TOPAZ1: variants seen among roughly 807,000 people sequenced by gnomAD.
TOPAZ1 encodes protein TOPAZ1.
Under a neutral mutation model 172.2 loss-of-function variants are expected in TOPAZ1, and 66 were observed. The ratio of observed to expected loss-of-function variants is 0.38; its 90% CI spans 0.31 to 0.47. The LOEUF (loss-of-function observed/expected upper bound fraction) is 0.47. Ranked by LOEUF, TOPAZ1 falls within the 20% of genes least tolerant of loss-of-function variation. TOPAZ1 has a pLI of 0.99. For missense variants in TOPAZ1, 1,822 were observed against 1,972.4 expected, an observed-to-expected ratio of 0.92 and a Z score of 1.44; for synonymous variants, 681 against 683.9, an observed-to-expected ratio of 1.00 and a Z score of 0.07.
chr3:44,291,190 A>T (rs1700133398), intron 12 of TOPAZ1, among the ~76,000 whole-genome samples: 1 of 152,142 alleles, frequency 6.6e-6, no homozygotes, highest in African/African-American at 2.4e-5. Flanking sequence ...ATATGTGTAC[A>T]AATTACCTTA....
intron 14 of TOPAZ1, 106 bp from the exon 15 acceptor site, chr3:44,306,220 C>A: frequency 1.5e-6 from 1 of 667,448 alleles, no homozygotes; most frequent in South Asian, 2.2e-5. Flanking sequence ...CACAGTTTGC[C>A]AACACCTGGT....
chr3:44,246,323 T>C (rs2125676558), intron 2 of TOPAZ1, among the ~76,000 whole-genome samples: 1 of 152,306 alleles, frequency 6.6e-6, no homozygotes, highest in Non-Finnish European at 1.5e-5. Flanking sequence ...GAAGCCGTTA[T>C]TTATATAATA....
rs138777352 is a variant in TOPAZ1, at chr3:44,275,532, A to C, written c.3372+4722A>C. 1.6e-3 allele frequency among the ~76,000 whole-genome samples: 245 copies of C among 152,178 alleles called. 1 individual carries two copies. Among genetic ancestry groups the C allele is most frequent in the Non-Finnish European group, 1.2e-3 (79 of 68,010 alleles). On this transcript the variant is annotated intron_variant, in intron 8 of 19. Coordinates refer to ENST00000309765, the MANE Select transcript of TOPAZ1 (RefSeq NM_001145030.2). Reference sequence around the variant, plus strand: ...ATATTGCTGCAGACTACATGATTTCATTCTTTTTTATGACCAAATAATATT... The same window carrying C: ...ATATTGCTGCAGACTACATGATTTCCTTCTTTTTTATGACCAAATAATATT...
At chr3:44,263,991 G>T (rs1352430) in intron 5 of TOPAZ1, among the ~76,000 whole-genome samples, 1 of 152,090 alleles carries the variant, frequency 6.6e-6, no homozygotes, top group Non-Finnish European at 1.5e-5. Context: ...GCACTCAAAT[G>T]CCTTTATAGG....
intron 12 of TOPAZ1, among the ~76,000 whole-genome samples, chr3:44,302,573 G>C (rs901541431): frequency 9.9e-5 from 15 of 152,068 alleles, no homozygotes; most frequent in African/African-American, 3.6e-4. Flanking sequence ...CCACACTATA[G>C]TAACTGTAGA....
Position 44,242,033 on chromosome 3 carries a change from A to G in TOPAZ1, c.-21A>G, listed in dbSNP as rs9850927. On this transcript the variant is annotated 5_prime_UTR_variant, in exon 1 of 20. Transcript: ENST00000309765. ...CTGCGAGCTGGTGCAGAGGGGCCCC[A>G]GCGGGCCGGCCCCGGGGCACATGCG... 0.81 allele frequency: 1,244,453 copies of G among 1,536,578 alleles called. 504,454 individuals are homozygous for G. The highest frequency in any genetic ancestry group is 0.88 in the Middle Eastern group (3,846 of 4,348).
At chr3:44,270,884 T>C in intron 8 of TOPAZ1, 74 bp downstream of exon 8, 1 of 1,365,692 alleles carries the variant, frequency 7.3e-7, no homozygotes. Flanking sequence ...ATTTAGATTT[T>C]CATTGACTCC....
chr3:44,269,146 C>G lies in TOPAZ1; in HGVS notation c.3161-70C>G, dbSNP rs1166352816. 7.1e-6 allele frequency: 6 copies of G among 847,422 alleles called. No individual in the cohort carries two copies. The Admixed American group carries it at 1.1e-4, about 15-fold the overall frequency. The allele number at this position is 847,422 out of a possible 1,614,324, so 52.5% of individuals were successfully genotyped here. A position where few individuals can be genotyped will look rare whatever the true frequency, so the allele number is the denominator to read the frequency against. ...CTTTAAAGCAGATAGTAGTGATCAT[C>G]TATTTCATTGTTATGAAGAAAATAA... is the stretch of plus-strand genomic sequence containing the variant. On this transcript the variant is annotated intron_variant, in intron 6 of 19. Transcript: ENST00000309765.
chr3:44,266,890 TA>T, intron 5 of TOPAZ1, 106 bp from the exon 6 acceptor site: 2 of 880,630 alleles, frequency 2.3e-6, no homozygotes, highest in East Asian at 3.0e-5. Context: ...TGTAAAAAAA[TA>T]AAAATAAAAA....
chr3:44,328,236 A>G lies in TOPAZ1; in HGVS notation c.4676-14A>G. 6.8e-7 allele frequency: 1 copy of G among 1,463,216 alleles called. No homozygotes were observed. Among genetic ancestry groups the G allele is most frequent in the Non-Finnish European group, 9.0e-7 (1 of 1,111,874 alleles). The allele number at this position is 1,463,216 out of a possible 1,614,324, so 90.6% of individuals were successfully genotyped here. On this transcript the variant is annotated splice_polypyrimidine_tract_variant and intron_variant, in intron 18 of 19. Transcript: ENST00000309765. The stretch of plus-strand genomic sequence containing the variant: ...GGGTTTTAGTAAAGTTTGACCTATT[A>G]TTTGATTTTTCAGGTGCTCTTTCCT...
At chr3:44,296,684 G>A (rs1340297296) in intron 12 of TOPAZ1, among the ~76,000 whole-genome samples, 2 of 151,586 alleles carry the variant, frequency 1.3e-5, no homozygotes, top group East Asian at 3.9e-4. Context: ...TTCCAAAAAA[G>A]ACATTTCAAG....
chr3:44,256,171 C>T lies in TOPAZ1; in HGVS notation c.2848C>T (p.Pro950Ser). 6.6e-7 allele frequency: 1 copy of T among 1,510,502 alleles called. No homozygotes were observed. Among genetic ancestry groups the T allele is most frequent in the Non-Finnish European group, 8.8e-7 (1 of 1,134,462 alleles). 93.6% of individuals were successfully genotyped at this position (1,510,502 alleles called of 1,614,324 possible). A position where few individuals can be genotyped will look rare whatever the true frequency, so the allele number is the denominator to read the frequency against. Residue 950 changes from proline (P) to serine (S), a missense_variant, in exon 4 of 20, where the codon CCC (proline) becomes TCC (serine). By Grantham distance (74) the Pro-to-Ser change is moderately conservative. Transcript: ENST00000309765. ...TTCAGAAAGTGAAATAAAACGTGAT[C>T]CCAAAGATGTAAACACTTCCTTAGG... ...NSAESEIKRD[P>S]KDVNTSLGEV...
intron 12 of TOPAZ1, among the ~76,000 whole-genome samples, chr3:44,303,189 G>A (rs1237889399): frequency 6.7e-6 from 1 of 150,240 alleles, no homozygotes; most frequent in East Asian, 1.9e-4. Context: ...TTAGAAAATT[G>A]TTTTTTTTTC....
intron 14 of TOPAZ1, among the ~76,000 whole-genome samples, chr3:44,305,558 C>T (rs141505039): frequency 6.6e-6 from 1 of 152,100 alleles, no homozygotes; most frequent in East Asian, 1.9e-4. Flanking sequence ...TTTGTAGACA[C>T]AGAATCTTGC....
intron 8 of TOPAZ1, among the ~76,000 whole-genome samples, chr3:44,274,723 T>A (rs998442007): frequency 6.6e-6 from 1 of 151,972 alleles, no homozygotes; most frequent in Non-Finnish European, 1.5e-5. Flanking sequence ...CCCGGCTAAT[T>A]TTGTATTTTT....
chr3:44,283,968 C>G (rs1270503510), intron 9 of TOPAZ1, among the ~76,000 whole-genome samples: 1 of 151,984 alleles, frequency 6.6e-6, no homozygotes, highest in African/African-American at 2.4e-5. Flanking sequence ...GTCACTTGAC[C>G]CAATTATGGC....
intron 2 of TOPAZ1, among the ~76,000 whole-genome samples, chr3:44,251,475 C>T (rs1053439239): frequency 6.6e-6 from 1 of 152,186 alleles, no homozygotes; most frequent in Non-Finnish European, 1.5e-5. Context: ...AGTAATTATT[C>T]TAAAGCAATC....
intron 13 of TOPAZ1, among the ~76,000 whole-genome samples, chr3:44,304,604 CT>C (rs1204199626): frequency 1.3e-5 from 2 of 152,130 alleles, no homozygotes; most frequent in African/African-American, 4.8e-5. Flanking sequence ...CTTAAGACAA[CT>C]TTTTTTCTTG....
At chr3:44,331,215 A>G (rs929969952) in intron 19 of TOPAZ1, among the ~76,000 whole-genome samples, 5 of 152,222 alleles carry the variant, frequency 3.3e-5, no homozygotes, top group Admixed American at 6.5e-5. Context: ...GGTGAAATCA[A>G]TTTAGGGTGT....
Sources: gnomAD v4.1 joint callset for allele counts (sites outside exome capture counted in the v4.1 genomes callset) on GRCh38, gnomAD v4.1.1 for gene constraint, MANE v1.5 for transcripts, NCBI Gene and HGNC (gene_info 2026-07-23, HGNC 2026-07-21) for gene names.